Variants in CD53 observed in about 807,000 individuals in gnomAD.
The protein encoded by CD53 is CD53 molecule, also known as leukocyte surface antigen CD53.
CD53 carries 20 observed loss-of-function variants against 27.3 expected under a neutral mutation model. The observed-to-expected ratio is 0.73, with a 90% confidence interval of 0.52 to 1.07. CD53 has a LOEUF of 1.07. Ranked by LOEUF, CD53 falls within the 50% of genes least tolerant of loss-of-function variation. The pLI is 0.00. For synonymous variants in CD53, 106 were observed against 105.3 expected (o/e 1.01, Z -0.04); for missense variants, 216 against 264.0 (o/e 0.82, Z 1.26).
At chr1:110,889,191 T>G (rs1656746703) in intron 1 of CD53, among the ~76,000 whole-genome samples, 1 of 152,156 alleles carries the variant, frequency 6.6e-6, no homozygotes, top group Non-Finnish European at 1.5e-5. Context: ...ATTTTGTCAG[T>G]GTGATACTGA....
At chr1:110,892,140 A>G (rs906645770) in intron 2 of CD53, among the ~76,000 whole-genome samples, 1 of 152,196 alleles carries the variant, frequency 6.6e-6, no homozygotes, top group Non-Finnish European at 1.5e-5. Context: ...ATGGGTAGGA[A>G]GAGTTGTGAG....
intron 4 of CD53, 113 bp from the exon 5 acceptor site, chr1:110,894,847 G>C: frequency 2.6e-6 from 2 of 769,368 alleles, no homozygotes; most frequent in South Asian, 3.0e-5. Context: ...GTTCTGAGGA[G>C]ACCATTTGGA....
rs536853571 is a variant in CD53, at chr1:110,894,886, A to G, written c.328-74A>G. 302 of 1,121,564 alleles carry G rather than the reference A, an allele frequency of 2.7e-4. 3 individuals carry two copies. In the South Asian group the frequency reaches 3.7e-3, roughly 14 times the overall value. The allele number at this position is 1,121,564 out of a possible 1,614,324, so 69.5% of individuals were successfully genotyped here. A position where few individuals can be genotyped will look rare whatever the true frequency, so the allele number is the denominator to read the frequency against. ...GAAGCGCAAGTGGAACCACTAACCT[A>G]TACTGGAAATTCCTTATTCCTTGAA... On this transcript the variant is annotated intron_variant, in intron 4 of 7. Transcript: ENST00000271324.
intron 1 of CD53, among the ~76,000 whole-genome samples, chr1:110,873,569 T>G (rs1319250582): frequency 6.6e-6 from 1 of 152,192 alleles, no homozygotes; most frequent in African/African-American, 2.4e-5. Context: ...CGAGATGACA[T>G]TGGGGAGATT....
chr1:110,887,344 G>T (rs1434496265), intron 1 of CD53, among the ~76,000 whole-genome samples: 2 of 152,102 alleles, frequency 1.3e-5, no homozygotes, highest in South Asian at 4.1e-4. Flanking sequence ...GATTACAGGC[G>T]TGAGCCACCG....
Position 110,899,554 on chromosome 1 carries a change from C to T in CD53, c.*359C>T, listed in dbSNP as rs113959563. 773 of 206,418 alleles carry T rather than the reference C, an allele frequency of 3.7e-3. 15 individuals carry two copies. The highest frequency in any genetic ancestry group is 0.017 in the African/African-American group (725 of 42,424). The allele number at this position is 206,418 out of a possible 1,614,324, so 12.8% of individuals were successfully genotyped here. On this transcript the variant is annotated 3_prime_UTR_variant, in exon 8 of 8. Transcript: ENST00000271324. ...TCCCATTGTCGAATTAGTCTCCAGC[C>T]TCTAAATAATGCCCAGTCTTCTCCC...
chr1:110,873,925 T>G (rs1358457247), intron 1 of CD53, among the ~76,000 whole-genome samples: 1 of 152,200 alleles, frequency 6.6e-6, no homozygotes, highest in Non-Finnish European at 1.5e-5. Flanking sequence ...ACATGACCAC[T>G]GATAAATGTC....
At chr1:110,894,899 C>G in intron 4 of CD53, 61 bp from the exon 5 acceptor site, 5 of 1,310,028 alleles carry the variant, frequency 3.8e-6, no homozygotes, top group Non-Finnish European at 5.5e-6. Flanking sequence ...CTGGAAATTC[C>G]TTATTCCTTG....
In CD53 at chr1:110,883,018, CT is replaced by C. The variant is rs370889249; in HGVS notation, c.-17-8366del. On this transcript the variant is annotated intron_variant, in intron 1 of 7. Coordinates refer to ENST00000271324, the MANE Select transcript of CD53 (RefSeq NM_000560.4). ...ATATCTGTGAACAAAGCCAGTTTTA[CT>C]TTTTTTTCTTTCCAGTTTGGATGCC... Among the ~76,000 whole-genome samples, 209 of 151,902 alleles carry C rather than the reference CT, an allele frequency of 1.4e-3. 2 individuals carry two copies. Among genetic ancestry groups the C allele is most frequent in the African/African-American group, 4.7e-3 (193 of 41,496 alleles).
intron 1 of CD53, 113 bp from the exon 2 acceptor site, chr1:110,891,279 G>C (rs554184504): frequency 6.8e-6 from 5 of 738,020 alleles, no homozygotes; most frequent in South Asian, 4.7e-5. Flanking sequence ...TTCCAGAGGA[G>C]AGCCACAGCT....
intron 1 of CD53, among the ~76,000 whole-genome samples, chr1:110,874,568 A>C: frequency 6.6e-6 from 1 of 152,230 alleles, no homozygotes; most frequent in Non-Finnish European, 1.5e-5. Context: ...AATCTTGAGG[A>C]GAATCTGTAC....
At chr1:110,884,769 T>C (rs1570901694) in intron 1 of CD53, among the ~76,000 whole-genome samples, 1 of 152,140 alleles carries the variant, frequency 6.6e-6, no homozygotes, top group African/African-American at 2.4e-5. Context: ...AGCCTTTTTT[T>C]CCCTTTTATT....
chr1:110,877,786 A>C (rs963869242), intron 1 of CD53, among the ~76,000 whole-genome samples: 3 of 152,360 alleles, frequency 2.0e-5, no homozygotes, highest in African/African-American at 7.2e-5. Context: ...ACACGAATAC[A>C]TGAGAGTTGA....
At chr1:110,892,257 G>A (rs1233525903) in intron 2 of CD53, 88 bp from the exon 3 acceptor site, 1 of 950,812 alleles carries the variant, frequency 1.1e-6, no homozygotes, top group Non-Finnish European at 1.7e-6. Context: ...TAAAAATAAA[G>A]TGATTCTGAT....
rs761387237 is a variant in CD53 at position 110,897,846 on chromosome 1, A to G, written c.542A>G (p.Asn181Ser). The G allele has an allele frequency of 6.2e-7, 1 of 1,612,652 alleles. No homozygotes were observed. The highest frequency in any genetic ancestry group is 8.5e-7 in the Non-Finnish European group (1 of 1,178,910). Residue 181 changes from asparagine to serine, a missense_variant, in exon 7 of 8, where the codon AAT (asparagine) becomes AGT (serine). Physicochemically the swap from Asn to Ser is conservative, Grantham distance 46. Coordinates refer to ENST00000271324, the MANE Select transcript of CD53 (RefSeq NM_000560.4). ...AAAGCAAGACTGTGGTTTCATTCCA[A>G]TTTCCTGTATATCGGAATCATCACC... ...YAKARLWFHSNFLYIGIITIC... is the reference protein window; with the variant it reads ...YAKARLWFHSSFLYIGIITIC...
chr1:110,895,356 T>G, intron 5 of CD53, among the ~76,000 whole-genome samples: 1 of 152,204 alleles, frequency 6.6e-6, no homozygotes, highest in South Asian at 2.1e-4. Flanking sequence ...TTTCCAAAAT[T>G]TTACTGAAAA....
chr1:110,897,659 T>C lies in CD53; in HGVS notation c.505-150T>C, dbSNP rs1474771869. On this transcript the variant is annotated intron_variant, in intron 6 of 7. Coordinates refer to ENST00000271324, the MANE Select transcript of CD53 (RefSeq NM_000560.4). ...TAATATTTCCCACCTTATGCCTGTT[T>C]CTTCATTCACGCAAAGAAAATAAAA... 2.2e-5 allele frequency: 11 copies of C among 489,540 alleles called. No homozygotes were observed. The East Asian group carries it at 2.9e-4, about 13-fold the overall frequency. The allele number at this position is 489,540 out of a possible 1,614,324, so 30.3% of individuals were successfully genotyped here.
At chr1:110,885,119 A>G (rs1426484251) in intron 1 of CD53, among the ~76,000 whole-genome samples, 2 of 152,140 alleles carry the variant, frequency 1.3e-5, no homozygotes, top group Non-Finnish European at 2.9e-5. Context: ...CACTTTACAT[A>G]TAAGAAGCTC....
rs1483039490 is a variant in CD53, at chr1:110,896,748, A to G, written c.504+15A>G. 13 of 1,608,688 alleles carry G rather than the reference A, an allele frequency of 8.1e-6. No homozygotes were observed. The highest frequency in any genetic ancestry group is 1.3e-5 in the African/African-American group (1 of 74,646). On this transcript the variant is annotated intron_variant, in intron 6 of 7. Coordinates refer to ENST00000271324, the MANE Select transcript of CD53 (RefSeq NM_000560.4). ...GAAAAGTGGAGGTAATTTTGTCGGC[A>G]ATGTTTCTGTTATTGACCTCTTTGT... is the stretch of plus-strand genomic sequence containing the variant.
Sources: allele counts gnomAD v4.1 joint callset (sites outside exome capture counted in the v4.1 genomes callset), GRCh38; gene constraint gnomAD v4.1.1; transcripts MANE v1.5; gene names NCBI Gene and HGNC (gene_info 2026-07-23, HGNC 2026-07-21).